Variants in DDX60 observed in about 807,000 individuals in gnomAD.
The protein encoded by DDX60 is DExD/H-box helicase 60.
Under a neutral mutation model 212.8 loss-of-function variants are expected in DDX60, and 165 were observed. That is an observed-to-expected ratio of 0.78 (90% CI 0.68 to 0.88). The LOEUF (loss-of-function observed/expected upper bound fraction) is 0.88, where lower values mean the gene tolerates loss of function less well. Among genes scored for constraint, DDX60 ranks in the 40% least tolerant of loss-of-function variants. The probability of loss-of-function intolerance (pLI) is 0.00; values close to 1 mark genes in which losing one functional copy is unlikely to be tolerated. For missense variants in DDX60, 1,905 were observed against 2,003.9 expected (o/e 0.95, Z 0.94); for synonymous variants, 703 against 685.3 (o/e 1.03, Z -0.40).
chr4:168,231,322 T>C (rs764200834), intron 33 of DDX60, among the ~76,000 whole-genome samples: 11 of 151,496 alleles, frequency 7.3e-5, no homozygotes, highest in Non-Finnish European at 1.3e-4. Context: ...TTTCAAAAGA[T>C]AGAGAAAGAG....
chr4:168,284,699 C>T (rs1735740416), intron 12 of DDX60, 121 bp downstream of exon 12: 2 of 498,484 alleles, frequency 4.0e-6, no homozygotes, highest in South Asian at 1.1e-4. Context: ...ATCTAAATAT[C>T]TTGTAGACTA....
intron 30 of DDX60, among the ~76,000 whole-genome samples, chr4:168,243,412 G>GA (rs1253079804): frequency 6.6e-6 from 1 of 151,464 alleles, no homozygotes; most frequent in African/African-American, 2.4e-5. Context: ...AAATTTATAA[G>GA]AAAAAAACAA....
chr4:168,294,040 ATGTG>A, intron 6 of DDX60, 95 bp from the exon 7 acceptor site: 1 of 1,108,290 alleles, frequency 9.0e-7, no homozygotes, highest in Non-Finnish European at 1.2e-6. Context: ...GGCTTAATAC[ATGTG>A]TGACAAAATA....
intron 36 of DDX60, 128 bp downstream of exon 36, chr4:168,221,602 G>T: frequency 1.1e-6 from 1 of 942,918 alleles, no homozygotes; most frequent in Non-Finnish European, 1.5e-6. Flanking sequence ...AATCAATCTA[G>T]TATGTTTAGT....
intron 14 of DDX60, among the ~76,000 whole-genome samples, chr4:168,277,109 C>T (rs486629): frequency 0.11 from 16,762 of 152,176 alleles, 1,161 homozygotes; most frequent in African/African-American, 0.19. Context: ...TTTCACTTGC[C>T]GTGAGTTTAC....
At chr4:168,306,306 G>A in intron 5 of DDX60, 73 bp downstream of exon 5, 4 of 1,149,808 alleles carry the variant, frequency 3.5e-6, no homozygotes, top group Non-Finnish European at 4.9e-6. Flanking sequence ...AGGAGGAGGA[G>A]AAAAAACTGA....
chr4:168,222,797 T>C lies in DDX60; in HGVS notation c.4825-916A>G, dbSNP rs529850308. ...CAGAAAATCAATACCTAAGAGAAAC[T>C]ATTGCACATACGCACGAGACATCCA... is the stretch of plus-strand genomic sequence containing the variant. On this transcript the variant is annotated intron_variant, in intron 35 of 37. Coordinates refer to ENST00000393743, the MANE Select transcript of DDX60 (RefSeq NM_017631.6). Among the ~76,000 whole-genome samples the C allele has an allele frequency of 1.2e-4, 19 of 152,190 alleles. No homozygotes were observed. The South Asian group carries it at 3.9e-3, about 32-fold the overall frequency.
At chr4:168,256,867 A>G (rs1360028984) in intron 25 of DDX60, among the ~76,000 whole-genome samples, 2 of 152,250 alleles carry the variant, frequency 1.3e-5, no homozygotes, top group African/African-American at 4.8e-5. Flanking sequence ...GGGCCTTTCT[A>G]AAGTTTTTAT....
chr4:168,234,585 T>G (rs1467737999), intron 33 of DDX60, among the ~76,000 whole-genome samples: 2 of 152,092 alleles, frequency 1.3e-5, no homozygotes, highest in East Asian at 3.9e-4. Context: ...TCTCTCTTCC[T>G]ATTTTCTTGA....
At chr4:168,261,548 G>A (rs1479884450) in intron 24 of DDX60, among the ~76,000 whole-genome samples, 2 of 152,100 alleles carry the variant, frequency 1.3e-5, no homozygotes, top group African/African-American at 4.8e-5. Flanking sequence ...ACAAATATCT[G>A]TAACTTATAT....
chr4:168,287,052 G>T lies in DDX60; in HGVS notation c.1335C>A (p.Ile445=). The change falls in exon 10 of 38, where the codon ATC becomes ATA. Residue 445 remains isoleucine (I), a synonymous_variant. Coordinates refer to ENST00000393743, the MANE Select transcript of DDX60 (RefSeq NM_017631.6). ...VCFLEKKPSP[I]KDSSNEMVPN... ...ATTAATTTAGAAATTTATTACCTTT[G>T]ATTGGTGATGGTTTCTTTTCAAGAA... is the stretch of plus-strand genomic sequence containing the variant. 1 of 1,600,382 alleles carries T rather than the reference G, an allele frequency of 6.2e-7. No individual in the cohort carries two copies. The highest frequency in any genetic ancestry group is 8.5e-7 in the Non-Finnish European group (1 of 1,176,208).
chr4:168,225,684 C>T lies in DDX60; in HGVS notation c.4534-8G>A, dbSNP rs774461291. 19 of 1,606,856 alleles carry T rather than the reference C, an allele frequency of 1.2e-5. No individual in the cohort carries two copies. In the South Asian group the frequency reaches 2.0e-4, roughly 17 times the overall value. On this transcript the variant is annotated splice_polypyrimidine_tract_variant and splice_region_variant and intron_variant, in intron 33 of 37. Coordinates refer to ENST00000393743, the MANE Select transcript of DDX60 (RefSeq NM_017631.6). Reference sequence around the variant, plus strand: ...GAGATCATCAAGGAACACCTAGAAGCCGAATAATTTTCATAGAGATAGATC... The same window carrying T: ...GAGATCATCAAGGAACACCTAGAAGTCGAATAATTTTCATAGAGATAGATC...
At chr4:168,276,578 T>C (rs1283350240) in intron 14 of DDX60, among the ~76,000 whole-genome samples, 9 of 152,252 alleles carry the variant, frequency 5.9e-5, no homozygotes, top group Non-Finnish European at 2.9e-5. Flanking sequence ...TTGAGTCCTA[T>C]GGTTGACCAC....
chr4:168,217,041 G>A lies in DDX60; in HGVS notation c.5040-9C>T, dbSNP rs1732871710. 6.3e-7 allele frequency: 1 copy of A among 1,582,578 alleles called. No individual in the cohort carries two copies. Among genetic ancestry groups the A allele is most frequent in the African/African-American group, 1.4e-5 (1 of 73,580 alleles). On this transcript the variant is annotated splice_polypyrimidine_tract_variant and intron_variant, in intron 37 of 37. Transcript: ENST00000393743. ...GCTCACGCAAGGAAACACTGGAAAT[G>A]GGGAAAAAAATATAGGATCCACTTT...
At chr4:168,289,171 C>T (rs1735983783) in intron 8 of DDX60, among the ~76,000 whole-genome samples, 1 of 152,190 alleles carries the variant, frequency 6.6e-6, no homozygotes, top group Non-Finnish European at 1.5e-5. Context: ...TAATTAAAGA[C>T]TAAGGTTTTC....
chr4:168,253,654 G>A (rs1734302058), intron 26 of DDX60, among the ~76,000 whole-genome samples: 1 of 151,610 alleles, frequency 6.6e-6, no homozygotes, highest in Non-Finnish European at 1.5e-5. Flanking sequence ...TCTAGCAGAA[G>A]CCACATTCTT....
intron 20 of DDX60, among the ~76,000 whole-genome samples, chr4:168,268,633 C>T (rs1734953650): frequency 6.6e-6 from 1 of 151,982 alleles, no homozygotes; most frequent in Non-Finnish European, 1.5e-5. Flanking sequence ...AAATTTCCTA[C>T]TCAATTGTAG....
chr4:168,272,042 C>G lies in DDX60; in HGVS notation c.2670+1G>C, dbSNP rs137953561. The stretch of plus-strand genomic sequence containing the variant: ...AAGCAAAGAAAGAACACCAAACCTA[C>G]CTCATCAAATATAACATATCTGATC... On this transcript the variant is annotated splice_donor_variant, in intron 19 of 37. Coordinates refer to ENST00000393743, the MANE Select transcript of DDX60 (RefSeq NM_017631.6). LOFTEE classifies it high-confidence loss of function. 3 of 1,572,118 alleles carry G rather than the reference C, an allele frequency of 1.9e-6. No homozygotes were observed. Among genetic ancestry groups the G allele is most frequent in the Non-Finnish European group, 2.6e-6 (3 of 1,155,594 alleles).
intron 30 of DDX60, among the ~76,000 whole-genome samples, chr4:168,242,016 G>C (rs985338601): frequency 1.3e-5 from 2 of 152,198 alleles, no homozygotes; most frequent in African/African-American, 4.8e-5. Context: ...ACTAAAAGGG[G>C]ACAAGGTACA....
Sources: gnomAD v4.1 joint callset for allele counts (sites outside exome capture counted in the v4.1 genomes callset) on GRCh38, gnomAD v4.1.1 for gene constraint, MANE v1.5 for transcripts, NCBI Gene and HGNC (gene_info 2026-07-23, HGNC 2026-07-21) for gene names.